Variants in PPP4R4 observed in about 807,000 individuals in gnomAD.
PPP4R4 encodes serine/threonine-protein phosphatase 4 regulatory subunit 4.
A neutral mutation model predicts 121.8 loss-of-function variants in PPP4R4; 70 were observed. The observed-to-expected ratio is 0.57, with a 90% confidence interval of 0.47 to 0.70. The LOEUF (loss-of-function observed/expected upper bound fraction) is 0.70. Ranked by LOEUF, PPP4R4 falls within the 30% of genes least tolerant of loss-of-function variation. The probability of loss-of-function intolerance (pLI) is 0.00; values close to 1 mark genes in which losing one functional copy is unlikely to be tolerated. For missense variants in PPP4R4, 875 were observed against 1,033.6 expected (o/e 0.85, Z 2.10); for synonymous variants, 348 against 355.7 (o/e 0.98, Z 0.24).
At chr14:94,181,301 G>T (rs537353173) in intron 2 of PPP4R4, among the ~76,000 whole-genome samples, 3 of 152,058 alleles carry the variant, frequency 2.0e-5, no homozygotes, top group Non-Finnish European at 4.4e-5. Context: ...GCATGCATGT[G>T]TATATGTGTA....
At chr14:94,241,458 G>C (rs911979768) in intron 9 of PPP4R4, among the ~76,000 whole-genome samples, 27 of 152,020 alleles carry the variant, frequency 1.8e-4, no homozygotes, top group Non-Finnish European at 2.1e-4. Flanking sequence ...TATAATAGCA[G>C]ATGTATAAAT....
chr14:94,180,127 C>T (rs746802339), intron 2 of PPP4R4, among the ~76,000 whole-genome samples: 2 of 152,090 alleles, frequency 1.3e-5, no homozygotes, highest in African/African-American at 2.4e-5. Flanking sequence ...ATAGGCATCC[C>T]GTTACTGTTA....
chr14:94,250,107 TG>T, intron 14 of PPP4R4, 64 bp from the exon 15 acceptor site: 1 of 1,060,780 alleles, frequency 9.4e-7, no homozygotes, highest in Non-Finnish European at 1.5e-6. Flanking sequence ...ATTGATTTGG[TG>T]GGGTCAAATT....
At chr14:94,240,839 C>T in intron 9 of PPP4R4, 44 bp downstream of exon 9, 2 of 1,436,996 alleles carry the variant, frequency 1.4e-6, no homozygotes, top group Non-Finnish European at 1.8e-6. Context: ...ATAATTTTTC[C>T]CTTTTTTTTC....
chr14:94,250,478 G>T (rs1045094699), intron 15 of PPP4R4, among the ~76,000 whole-genome samples: 20 of 151,996 alleles, frequency 1.3e-4, no homozygotes, highest in African/African-American at 4.8e-4. Context: ...GTTTTCTTTT[G>T]TAAATGTCTA....
intron 3 of PPP4R4, among the ~76,000 whole-genome samples, chr14:94,222,032 A>G (rs1023432870): frequency 6.6e-6 from 1 of 152,014 alleles, no homozygotes; most frequent in African/African-American, 2.4e-5. Context: ...TTATGTGTTG[A>G]AATTTCTTCT....
intron 2 of PPP4R4, among the ~76,000 whole-genome samples, chr14:94,185,352 T>A (rs960094317): frequency 6.6e-6 from 1 of 151,970 alleles, no homozygotes; most frequent in Non-Finnish European, 1.5e-5. Flanking sequence ...CAAAAAAATT[T>A]AAGAAATTAT....
chr14:94,176,113 T>C lies in PPP4R4; in HGVS notation c.177T>C (p.Ala59=). 1 of 1,610,288 alleles carries C rather than the reference T, an allele frequency of 6.2e-7. No homozygotes were observed. Among genetic ancestry groups the C allele is most frequent in the Non-Finnish European group, 8.5e-7 (1 of 1,176,412 alleles). Residue 59 remains alanine (A), a synonymous_variant, in exon 2 of 25, where the codon GCT becomes GCC. Coordinates refer to ENST00000304338, the MANE Select transcript of PPP4R4 (RefSeq NM_058237.2). Reference sequence around the variant, plus strand: ...AAGACCTCAGTGATATTGAAAGGGCTGTTTATCTGCTCAGGTATTTCCTAG... The same window carrying C: ...AAGACCTCAGTGATATTGAAAGGGCCGTTTATCTGCTCAGGTATTTCCTAG... ...VDEDLSDIER[A]VYLLSAGQDV...
At position 94,218,430 on chromosome 14, in the gene PPP4R4, G is replaced by A. The variant is rs539438538; in HGVS notation, c.294+9864G>A. 6.3e-5 allele frequency among the ~76,000 whole-genome samples: 7 copies of A among 110,708 alleles called. No homozygotes were observed. In the South Asian group the frequency reaches 1.9e-3, roughly 29 times the overall value. 72.6% of individuals were successfully genotyped at this position (110,708 alleles called of 152,430 possible). ...CCTCACCCCTAGACACCGCACGCGC[G>A]CGCACACACACACACCCTCACCCCT... On this transcript the variant is annotated intron_variant, in intron 3 of 24. Transcript: ENST00000304338.
chr14:94,179,033 T>TC (rs1362749656), intron 2 of PPP4R4, among the ~76,000 whole-genome samples: 4 of 152,230 alleles, frequency 2.6e-5, no homozygotes, highest in Admixed American at 6.5e-5. Context: ...CAATGTGATG[T>TC]CCCACCAGTC....
chr14:94,222,685 A>C (rs1044988562), intron 3 of PPP4R4, among the ~76,000 whole-genome samples: 1 of 151,950 alleles, frequency 6.6e-6, no homozygotes, highest in Non-Finnish European at 1.5e-5. Flanking sequence ...ATGCATTTTA[A>C]ATAGATGTTT....
At chr14:94,235,551 C>T (rs1271636429) in intron 7 of PPP4R4, among the ~76,000 whole-genome samples, 1 of 151,856 alleles carries the variant, frequency 6.6e-6, no homozygotes, top group African/African-American at 2.4e-5. Flanking sequence ...AGGTGCCCAC[C>T]ACCACGCCCG....
intron 14 of PPP4R4, among the ~76,000 whole-genome samples, chr14:94,246,922 C>T (rs546819729): frequency 6.6e-6 from 1 of 152,180 alleles, no homozygotes. Flanking sequence ...CTGATGCATC[C>T]ACAACCTTAG....
intron 19 of PPP4R4, among the ~76,000 whole-genome samples, chr14:94,263,745 A>G (rs1312084670): frequency 2.0e-5 from 3 of 152,228 alleles, no homozygotes; most frequent in Non-Finnish European, 4.4e-5. Context: ...AAACATGTAG[A>G]AAATAGATAA....
chr14:94,180,947 ACTT>A (rs752241038), intron 2 of PPP4R4, among the ~76,000 whole-genome samples: 2 of 152,156 alleles, frequency 1.3e-5, no homozygotes, highest in Admixed American at 6.5e-5. Flanking sequence ...ACTCTGGCGT[ACTT>A]CTTCTTGGGT....
At chr14:94,257,902 T>C (rs1566696199) in intron 17 of PPP4R4, among the ~76,000 whole-genome samples, 1 of 152,152 alleles carries the variant, frequency 6.6e-6, no homozygotes, top group Non-Finnish European at 1.5e-5. Flanking sequence ...AGTACAGCTC[T>C]TATTTTCAGT....
chr14:94,261,704 T>A (rs1327076954), intron 19 of PPP4R4, among the ~76,000 whole-genome samples: 1 of 152,036 alleles, frequency 6.6e-6, no homozygotes, highest in African/African-American at 2.4e-5. Context: ...ATAGGTTTTA[T>A]GTAGATTCCC....
At chr14:94,221,956 A>G (rs1891422187) in intron 3 of PPP4R4, among the ~76,000 whole-genome samples, 1 of 152,084 alleles carries the variant, frequency 6.6e-6, no homozygotes, top group African/African-American at 2.4e-5. Flanking sequence ...ATATCAGTCA[A>G]CTGTTGATGG....
At chr14:94,209,841 A>T (rs1380237248) in intron 3 of PPP4R4, among the ~76,000 whole-genome samples, 2 of 152,120 alleles carry the variant, frequency 1.3e-5, no homozygotes, top group African/African-American at 4.8e-5. Context: ...CACACTTTGC[A>T]TTGAGCAGGT....
Sources: allele counts gnomAD v4.1 joint callset (sites outside exome capture counted in the v4.1 genomes callset), GRCh38; gene constraint gnomAD v4.1.1; transcripts MANE v1.5; gene names NCBI Gene and HGNC (gene_info 2026-07-23, HGNC 2026-07-21).